Variants in IRX1 observed in about 807,000 individuals in gnomAD.
IRX1 encodes iroquois-class homeodomain protein IRX-1.
In IRX1, 22 loss-of-function variants were observed where a neutral mutation model predicts 34.1. The ratio of observed to expected loss-of-function variants is 0.64; its 90% CI spans 0.46 to 0.92. The LOEUF (loss-of-function observed/expected upper bound fraction) is 0.92, where lower values mean the gene tolerates loss of function less well. Ranked by LOEUF, IRX1 falls within the 40% of genes least tolerant of loss-of-function variation. The pLI is 0.00. For synonymous variants in IRX1, 363 were observed against 319.0 expected (o/e 1.14, Z -1.47); for missense variants, 758 against 680.0 (o/e 1.11, Z -1.28).
In IRX1 at chr5:3,600,037, G is replaced by A; in HGVS notation, c.1089G>A (p.Leu363=). 1 of 1,595,264 alleles carries A rather than the reference G, an allele frequency of 6.3e-7. No homozygotes were observed. Among genetic ancestry groups the A allele is most frequent in the Non-Finnish European group, 8.5e-7 (1 of 1,169,918 alleles). ...CCGCCTTCCTGCCTAGCCACGGACTGTACACCTGCCACATCGGCAAGTTCT... is the reference window on the plus strand; with the variant it reads ...CCGCCTTCCTGCCTAGCCACGGACTATACACCTGCCACATCGGCAAGTTCT... ...QHPAFLPSHG[L]YTCHIGKFSN... The change falls in exon 2 of 4, where the codon CTG becomes CTA. Residue 363 remains leucine, a synonymous_variant. Transcript: ENST00000302006.
chr5:3,597,767 T>C (rs1733825183), intron 1 of IRX1, among the ~76,000 whole-genome samples: 1 of 152,248 alleles, frequency 6.6e-6, no homozygotes, highest in African/African-American at 2.4e-5. Flanking sequence ...GCGGCCTCAG[T>C]CACCAAACTA....
intron 1 of IRX1, among the ~76,000 whole-genome samples, chr5:3,597,789 A>G (rs2111296131): frequency 6.6e-6 from 1 of 152,338 alleles, no homozygotes; most frequent in East Asian, 1.9e-4. Flanking sequence ...TTAGTCCAAG[A>G]AATCTTCTGG....
At chr5:3,600,296 TG>T in intron 2 of IRX1, 36 bp downstream of exon 2, 1 of 1,512,658 alleles carries the variant, frequency 6.6e-7, no homozygotes, top group Non-Finnish European at 8.8e-7. Flanking sequence ...GTCCCCTAGC[TG>T]GGAATGCAGA....
At position 3,599,860 on chromosome 5, in the gene IRX1, CG is replaced by C; in HGVS notation, c.914del (p.Gly305AlafsTer148). ...RLLSPGAAAGGLQGAPHGKPK... is the reference protein window; with the variant it reads ...RLLSPGAAAGXLQGAPHGKPK... Reference sequence around the variant, plus strand: ...TGCTGAGCCCCGGCGCTGCAGCGGGCGGCCTGCAGGGTGCGCCGCACGGCAA... The same window carrying C: ...TGCTGAGCCCCGGCGCTGCAGCGGGCGCCTGCAGGGTGCGCCGCACGGCAA... On this transcript the variant is annotated frameshift_variant, in exon 2 of 4. Coordinates refer to ENST00000302006, the MANE Select transcript of IRX1 (RefSeq NM_024337.4). LOFTEE classifies it high-confidence loss of function. The surrounding 1 kb of genome is among the most constrained non-coding windows in gnomAD (Gnocchi z 6.6). 1 of 1,519,078 alleles carries C rather than the reference CG, an allele frequency of 6.6e-7. No individual in the cohort carries two copies. The highest frequency in any genetic ancestry group is 8.8e-7 in the Non-Finnish European group (1 of 1,137,742). The allele number at this position is 1,519,078 out of a possible 1,614,324, so 94.1% of individuals were successfully genotyped here.
intron 3 of IRX1, 36 bp downstream of exon 3, chr5:3,600,717 G>A: frequency 1.3e-6 from 2 of 1,582,998 alleles, no homozygotes; most frequent in Middle Eastern, 1.7e-4. Flanking sequence ...GGAGAAGGCG[G>A]TGGGGAGGGG....
In IRX1 at chr5:3,599,148, A is replaced by G; in HGVS notation, c.277-77A>G. The G allele has an allele frequency of 1.5e-6, 2 of 1,376,284 alleles. No homozygotes were observed. Among genetic ancestry groups the G allele is most frequent in the Non-Finnish European group, 9.9e-7 (1 of 1,008,880 alleles). 85.3% of individuals were successfully genotyped at this position (1,376,284 alleles called of 1,614,324 possible). On this transcript the variant is annotated intron_variant, in intron 1 of 3. Transcript: ENST00000302006. This position sits in a 1 kb window ranked among gnomAD's most constrained non-coding sequence, Gnocchi z 6.6. Reference sequence around the variant, plus strand: ...TCCCACTCTCCCGTCTTGGGGACTCATGTCTCTCTCTCTCTCTCCCTTTCT... The same window carrying G: ...TCCCACTCTCCCGTCTTGGGGACTCGTGTCTCTCTCTCTCTCTCCCTTTCT...
chr5:3,600,561 TC>T (rs758727552), intron 2 of IRX1, 47 bp from the exon 3 acceptor site: 2 of 1,548,302 alleles, frequency 1.3e-6, no homozygotes, highest in South Asian at 2.2e-5. Context: ...CTGGGACCTC[TC>T]CCGCCCGTCT....
rs1733921089 is a variant in IRX1 at position 3,600,108 on chromosome 5, A to C, written c.1160A>C (p.Asn387Thr). ...SAFLAQGSLL[N>T]MRSFLGVGAP... ...TTCCTCGCACAGGGCTCCCTGCTCA[A>C]CATGCGCTCCTTCCTGGGCGTTGGC... Residue 387 changes from asparagine to threonine, a missense_variant, in exon 2 of 4, where the codon AAC becomes ACC. By Grantham distance (65) the Asn-to-Thr change is moderately conservative. This residue lies in a region of IRX1 where 529 missense variants were observed against 418.8 expected (regional missense o/e 1.26). Transcript: ENST00000302006. 1.2e-6 allele frequency: 2 copies of C among 1,613,370 alleles called. No homozygotes were observed. The highest frequency in any genetic ancestry group is 1.7e-6 in the Non-Finnish European group (2 of 1,179,892).
rs61746094 is a variant in IRX1, at chr5:3,600,022, G to A, written c.1074G>A (p.Leu358=). The A allele has an allele frequency of 0.12, 179,885 of 1,557,956 alleles. 12,487 individuals are homozygous for A. The highest frequency in any genetic ancestry group is 0.28 in the Admixed American group (15,083 of 53,212). The change falls in exon 2 of 4, where the codon CTG becomes CTA. Residue 358 remains leucine, a synonymous_variant. Transcript: ENST00000302006. Reference sequence around the variant, plus strand: ...CGCCGCTGCAACACCCCGCCTTCCTGCCTAGCCACGGACTGTACACCTGCC... The same window carrying A: ...CGCCGCTGCAACACCCCGCCTTCCTACCTAGCCACGGACTGTACACCTGCC... ...AGAPLQHPAF[L]PSHGLYTCHI...
In IRX1 at chr5:3,599,896, C is replaced by A; in HGVS notation, c.948C>A (p.Ile316=). 2.0e-6 allele frequency: 3 copies of A among 1,482,620 alleles called. No homozygotes were observed. The highest frequency in any genetic ancestry group is 1.4e-5 in the African/African-American group (1 of 70,344). 91.8% of individuals were successfully genotyped at this position (1,482,620 alleles called of 1,614,324 possible). ...LQGAPHGKPK[I]WSLAETATSP... is the part of the protein sequence containing the mutation. ...GTGCGCCGCACGGCAAGCCCAAGAT[C>A]TGGTCGCTGGCGGAGACAGCCACGA... Residue 316 remains isoleucine (I), a synonymous_variant, in exon 2 of 4, where the codon ATC becomes ATA. Transcript: ENST00000302006. The surrounding 1 kb of genome is among the most constrained non-coding windows in gnomAD (Gnocchi z 6.6).
In IRX1 at chr5:3,599,663, G is replaced by A. The variant is rs1162664475; in HGVS notation, c.715G>A (p.Asp239Asn). The A allele has an allele frequency of 6.2e-7, 1 of 1,613,686 alleles. No homozygotes were observed. ...TGACAAGATCGACGAGCACGATGGC[G>A]ACCAGAGCAACGAGGATGACGAGGA... Reference protein sequence around the residue: ...DIDKIDEHDGDQSNEDDEDKA... With the variant: ...DIDKIDEHDGNQSNEDDEDKA... The change falls in exon 2 of 4, where the codon GAC becomes AAC. Residue 239 changes from aspartate to asparagine, a missense_variant. By Grantham distance (23) the Asp-to-Asn change is conservative. Transcript: ENST00000302006. This position sits in a 1 kb window ranked among gnomAD's most constrained non-coding sequence, Gnocchi z 6.6.
chr5:3,596,190 G>A lies in IRX1; in HGVS notation c.85G>A (p.Ala29Thr). ...CGGCGGCGAGCGCCCGGGGGTGCTG[G>A]CCGCGGCCGCTGCGGCGGCTGCCGC... is the stretch of plus-strand genomic sequence containing the variant. ...AYGGERPGVL[A>T]AAAAAAAAAS... The change falls in exon 1 of 4, where the codon GCC becomes ACC. Residue 29 changes from alanine (A) to threonine (T), a missense_variant. By Grantham distance (58) the Ala-to-Thr change is moderately conservative (BLOSUM62 0). Transcript: ENST00000302006. The A allele has an allele frequency of 9.7e-7, 1 of 1,030,376 alleles. No individual in the cohort carries two copies. The highest frequency in any genetic ancestry group is 5.8e-5 in the Admixed American group (1 of 17,284). 63.8% of individuals were successfully genotyped at this position (1,030,376 alleles called of 1,614,324 possible). A position where few individuals can be genotyped will look rare whatever the true frequency, so the allele number is the denominator to read the frequency against.
chr5:3,596,061 C>A lies in IRX1; in HGVS notation c.-45C>A. ...CGGCCGGCCTCCGCCTCCCTCCCCG[C>A]GCCTTTAATACTCGCCCGCTGCGGC... On this transcript the variant is annotated 5_prime_UTR_variant, in exon 1 of 4. Coordinates refer to ENST00000302006, the MANE Select transcript of IRX1 (RefSeq NM_024337.4). 1 of 1,042,270 alleles carries A rather than the reference C, an allele frequency of 9.6e-7. No homozygotes were observed. The highest frequency in any genetic ancestry group is 1.2e-6 in the Non-Finnish European group (1 of 866,076). 64.6% of individuals were successfully genotyped at this position (1,042,270 alleles called of 1,614,324 possible).
At chr5:3,598,296 G>A (rs993741159) in intron 1 of IRX1, among the ~76,000 whole-genome samples, 13 of 152,314 alleles carry the variant, frequency 8.5e-5, no homozygotes, top group African/African-American at 2.6e-4. Context: ...TTGACTTGCT[G>A]TGTTTTACTA....
At position 3,596,398 on chromosome 5, in the gene IRX1, TC is replaced by T; in HGVS notation, c.276+22del. 6.7e-7 allele frequency: 1 copy of T among 1,491,626 alleles called. No homozygotes were observed. 92.4% of individuals were successfully genotyped at this position (1,491,626 alleles called of 1,614,324 possible). On this transcript the variant is annotated intron_variant, in intron 1 of 3. Transcript: ENST00000302006. The stretch of plus-strand genomic sequence containing the variant: ...TCGCAGATGGTGAGTGCGCCCGGCC[TC>T]CCCCGCTTCTCCTCTGTCTCACCCG...
Position 3,599,275 on chromosome 5 carries a change from C to A in IRX1, c.327C>A (p.Phe109Leu), listed in dbSNP as rs767540467. 3.1e-6 allele frequency: 5 copies of A among 1,614,026 alleles called. No individual in the cohort carries two copies. Among genetic ancestry groups the A allele is most frequent in the Non-Finnish European group, 4.2e-6 (5 of 1,180,036 alleles). Residue 109 changes from phenylalanine (F) to leucine (L), a missense_variant, in exon 2 of 4, where the codon TTC becomes TTA. By Grantham distance (22) the Phe-to-Leu change is conservative (BLOSUM62 0). Transcript: ENST00000302006. This position sits in a 1 kb window ranked among gnomAD's most constrained non-coding sequence, Gnocchi z 6.6. ...ACCCTGGGGTGCACCCCGCCACCTTCGCAGCCCACACGGCGCCGGCTTATT... is the reference window on the plus strand; with the variant it reads ...ACCCTGGGGTGCACCCCGCCACCTTAGCAGCCCACACGGCGCCGGCTTATT... ...KDNPGVHPAT[F>L]AAHTAPAYYP...
rs1400430237 is a variant in IRX1 at position 3,599,781 on chromosome 5, A to G, written c.833A>G (p.Gln278Arg). The G allele has an allele frequency of 6.2e-7, 1 of 1,605,996 alleles. No individual in the cohort carries two copies. ...GCAGCAGCCGACGTTCTCAAGCCCC[A>G]GGACTCGCCCTTGGGCCTGGCAAAG... ...PLAAADVLKP[Q>R]DSPLGLAKEA... The change falls in exon 2 of 4, where the codon CAG becomes CGG. Residue 278 changes from glutamine to arginine, a missense_variant. Gln to Arg is a conservative substitution (Grantham distance 43). Transcript: ENST00000302006. This position sits in a 1 kb window ranked among gnomAD's most constrained non-coding sequence, Gnocchi z 6.6.
At position 3,599,982 on chromosome 5, in the gene IRX1, G is replaced by A; in HGVS notation, c.1034G>A (p.Gly345Glu). 2 of 1,513,434 alleles carry A rather than the reference G, an allele frequency of 1.3e-6. No individual in the cohort carries two copies. The highest frequency in any genetic ancestry group is 1.3e-5 in the South Asian group (1 of 79,046). The allele number at this position is 1,513,434 out of a possible 1,614,324, so 93.8% of individuals were successfully genotyped here. ...PPPAGHPGAH[G>E]PSAGAPLQHP... The stretch of plus-strand genomic sequence containing the variant: ...CCCGCGGGCCACCCCGGCGCGCACG[G>A]GCCCTCCGCCGGGGCGCCGCTGCAA... Residue 345 changes from glycine (G) to glutamate (E), a missense_variant, in exon 2 of 4, where the codon GGG becomes GAG. By Grantham distance (98) the Gly-to-Glu change is moderately conservative (BLOSUM62 -2). Coordinates refer to ENST00000302006, the MANE Select transcript of IRX1 (RefSeq NM_024337.4). This position sits in a 1 kb window ranked among gnomAD's most constrained non-coding sequence, Gnocchi z 6.6.
In IRX1 at chr5:3,600,274, C is replaced by A. The variant is rs750119937; in HGVS notation, c.1312+14C>A. 1 of 1,552,676 alleles carries A rather than the reference C, an allele frequency of 6.4e-7. No individual in the cohort carries two copies. The highest frequency in any genetic ancestry group is 1.2e-5 in the South Asian group (1 of 83,822). ...CCACGCTCCCAGGTACAGCTCCAGG[C>A]CGCGTCCACCTGTCCCCTAGCTGGG... On this transcript the variant is annotated intron_variant, in intron 2 of 3. Coordinates refer to ENST00000302006, the MANE Select transcript of IRX1 (RefSeq NM_024337.4).
Sources: gnomAD v4.1 joint callset for allele counts (sites outside exome capture counted in the v4.1 genomes callset) on GRCh38, gnomAD v4.1.1 for gene constraint, gnomAD v4.1.1 regional missense constraint, Gnocchi (gnomAD v3.1) non-coding constraint, MANE v1.5 for transcripts, NCBI Gene and HGNC (gene_info 2026-07-23, HGNC 2026-07-21) for gene names.